NXN: variants seen among roughly 807,000 people sequenced by gnomAD.
NXN encodes the protein nucleoredoxin 1.
Under a neutral mutation model 48.6 loss-of-function variants are expected in NXN, and 16 were observed. That is an observed-to-expected ratio of 0.33 (90% CI 0.22 to 0.50). The LOEUF (loss-of-function observed/expected upper bound fraction) is 0.50, where lower values mean the gene tolerates loss of function less well. NXN is among the 20% of genes least tolerant of loss of function. The pLI is 0.98. For missense variants in NXN, 492 were observed against 605.5 expected, an observed-to-expected ratio of 0.81 and a Z score of 1.97; for synonymous variants, 281 against 269.6, an observed-to-expected ratio of 1.04 and a Z score of -0.41.
intron 1 of NXN, among the ~76,000 whole-genome samples, chr17:863,159 C>A (rs59422776): frequency 1.3e-5 from 2 of 151,932 alleles, no homozygotes; most frequent in Admixed American, 1.3e-4. Context: ...TCACATCCTG[C>A]GAATACTGTT....
rs72812067 is a variant in NXN, at chr17:958,037, G to A, written c.360+21282C>T. ...TCAGGTTCCAAACATGCATCCTCTC[G>A]CTCCATCCTATACTTAGGCGCCTCG... On this transcript the variant is annotated intron_variant, in intron 1 of 7. Coordinates refer to ENST00000336868, the MANE Select transcript of NXN (RefSeq NM_022463.5). The surrounding 1 kb of genome is among the most constrained non-coding windows in gnomAD (Gnocchi z 6.9). 0.069 allele frequency among the ~76,000 whole-genome samples: 10,535 copies of A among 152,114 alleles called. 454 individuals are homozygous for A. Among genetic ancestry groups the A allele is most frequent in the Admixed American group, 0.12 (1,780 of 15,248 alleles).
chr17:957,452 C>T lies in NXN; in HGVS notation c.360+21867G>A, dbSNP rs528489530. Among the ~76,000 whole-genome samples, 108 of 151,976 alleles carry T rather than the reference C, an allele frequency of 7.1e-4. 1 individual carries two copies. The highest frequency in any genetic ancestry group is 2.5e-3 in the African/African-American group (104 of 41,450). Reference sequence around the variant, plus strand: ...TTCAAGACCAGCCTGGCCAAGATGGCGAAACACCGTCTCTACTAAAAATAC... The same window carrying T: ...TTCAAGACCAGCCTGGCCAAGATGGTGAAACACCGTCTCTACTAAAAATAC... On this transcript the variant is annotated intron_variant, in intron 1 of 7. Coordinates refer to ENST00000336868, the MANE Select transcript of NXN (RefSeq NM_022463.5).
intron 1 of NXN, among the ~76,000 whole-genome samples, chr17:870,141 C>T (rs1320641984): frequency 6.6e-6 from 1 of 152,076 alleles, no homozygotes; most frequent in African/African-American, 2.4e-5. Context: ...AAGTACCTGG[C>T]TCAGAACGTC....
intron 1 of NXN, among the ~76,000 whole-genome samples, chr17:887,657 C>T (rs994751266): frequency 6.6e-6 from 1 of 152,162 alleles, no homozygotes; most frequent in African/African-American, 2.4e-5. Context: ...ATGCAGGCTT[C>T]TGGCGGAGAC....
intron 1 of NXN, among the ~76,000 whole-genome samples, chr17:927,649 A>AGT (rs953868156): frequency 1.3e-5 from 2 of 151,042 alleles, no homozygotes; most frequent in Admixed American, 6.6e-5. Flanking sequence ...AGGCGGGCTC[A>AGT]GTGGGAGATG....
intron 1 of NXN, among the ~76,000 whole-genome samples, chr17:843,628 C>G (rs1027825954): frequency 1.3e-5 from 2 of 152,158 alleles, no homozygotes; most frequent in Non-Finnish European, 2.9e-5. Context: ...GAGCCAGCGT[C>G]GATCTGGAGT....
intron 1 of NXN, among the ~76,000 whole-genome samples, chr17:850,827 T>C (rs1003408709): frequency 1.3e-5 from 2 of 152,164 alleles, no homozygotes; most frequent in Admixed American, 6.5e-5. Context: ...GGGGCTGCCG[T>C]TGGCGGACAC....
chr17:954,907 T>A, intron 1 of NXN, among the ~76,000 whole-genome samples: 1 of 152,206 alleles, frequency 6.6e-6, no homozygotes, highest in Non-Finnish European at 1.5e-5. Context: ...TCTTAAGAGC[T>A]CTGAGCTGTT....
intron 1 of NXN, among the ~76,000 whole-genome samples, chr17:836,774 TA>T (rs1484427458): frequency 1.3e-5 from 2 of 152,078 alleles, no homozygotes; most frequent in African/African-American, 4.8e-5. Flanking sequence ...GACTGGCCAA[TA>T]TTAGGTATGA....
At chr17:893,797 T>C (rs1284532638) in intron 1 of NXN, among the ~76,000 whole-genome samples, 10 of 58,226 alleles carry the variant, frequency 1.7e-4, no homozygotes, top group Non-Finnish European at 3.1e-4. Context: ...CTCAACTCCC[T>C]GGAAGCCAGA....
At chr17:858,841 G>C (rs2068013711) in intron 1 of NXN, among the ~76,000 whole-genome samples, 1 of 152,196 alleles carries the variant, frequency 6.6e-6, no homozygotes, top group Admixed American at 6.5e-5. Flanking sequence ...AAACTTGTTA[G>C]AACAGATTGG....
At chr17:921,350 G>T in intron 1 of NXN, among the ~76,000 whole-genome samples, 1 of 152,082 alleles carries the variant, frequency 6.6e-6, no homozygotes, top group East Asian at 1.9e-4. Flanking sequence ...TCACAAGCCG[G>T]CTCTCAGCGG....
intron 1 of NXN, among the ~76,000 whole-genome samples, chr17:938,375 G>A (rs985611451): frequency 1.3e-4 from 20 of 152,194 alleles, no homozygotes; most frequent in Non-Finnish European, 2.2e-4. Flanking sequence ...TGCGAAGGCC[G>A]AGCCAAAGAA....
chr17:904,221 C>T (rs944501576), intron 1 of NXN, among the ~76,000 whole-genome samples: 2 of 152,194 alleles, frequency 1.3e-5, no homozygotes, highest in South Asian at 2.1e-4. Flanking sequence ...GCTGGCCGAG[C>T]GGACTTCCAA....
chr17:886,777 C>CAA (rs5818771), intron 1 of NXN, among the ~76,000 whole-genome samples: 2 of 124,370 alleles, frequency 1.6e-5, no homozygotes, highest in East Asian at 2.8e-4. Context: ...GACTCTGTCT[C>CAA]AAAAAAAAAA....
chr17:946,698 G>C (rs1227090574), intron 1 of NXN, among the ~76,000 whole-genome samples: 1 of 152,208 alleles, frequency 6.6e-6, no homozygotes, highest in Non-Finnish European at 1.5e-5. Flanking sequence ...ATCGGCTCTG[G>C]AGGGACGACC....
At chr17:871,341 C>T (rs1314898007) in intron 1 of NXN, among the ~76,000 whole-genome samples, 1 of 150,786 alleles carries the variant, frequency 6.6e-6, no homozygotes, top group African/African-American at 2.4e-5. Flanking sequence ...CCTAATATCA[C>T]TTAGTGAAGT....
intron 5 of NXN, among the ~76,000 whole-genome samples, chr17:815,728 G>T (rs78895411): frequency 0.079 from 12,078 of 152,208 alleles, 638 homozygotes; most frequent in Middle Eastern, 0.15. Context: ...AAAGCGCAGG[G>T]CCTGTTATCT....
rs1452041374 is a variant in NXN, at chr17:932,526, G to A, written c.360+46793C>T. 1.3e-5 allele frequency among the ~76,000 whole-genome samples: 2 copies of A among 152,334 alleles called. No individual in the cohort carries two copies. Among genetic ancestry groups the A allele is most frequent in the African/African-American group, 4.8e-5 (2 of 41,562 alleles). ...AGTCGTCGTCTCCTCAGCGAGTAAG[G>A]CAGCTTCAGGGGAAGGCCTGAGCCC... On this transcript the variant is annotated intron_variant, in intron 1 of 7. Coordinates refer to ENST00000336868, the MANE Select transcript of NXN (RefSeq NM_022463.5). This position sits in a 1 kb window ranked among gnomAD's most constrained non-coding sequence, Gnocchi z 4.1.
Sources: gnomAD v4.1 joint callset for allele counts (sites outside exome capture counted in the v4.1 genomes callset) on GRCh38, gnomAD v4.1.1 for gene constraint, Gnocchi (gnomAD v3.1) non-coding constraint, MANE v1.5 for transcripts, NCBI Gene and HGNC (gene_info 2026-07-23, HGNC 2026-07-21) for gene names.